Variants in FHIT observed in about 807,000 individuals in gnomAD.
FHIT encodes fragile histidine triad diadenosine triphosphatase, also known as bis(5'-adenosyl)-triphosphatase.
In FHIT, 19 loss-of-function variants were observed where a neutral mutation model predicts 17.9. The observed-to-expected ratio is 1.06, with a 90% CI of 0.74 to 1.56. The LOEUF is 1.56. FHIT is among the 40% of genes most tolerant of loss of function. FHIT has a pLI of 0.00. For missense variants in FHIT, 248 were observed against 189.2 expected, an observed-to-expected ratio of 1.31 and a Z score of -1.82; for synonymous variants, 81 against 69.7, an observed-to-expected ratio of 1.16 and a Z score of -0.81.
intron 3 of FHIT, among the ~76,000 whole-genome samples, chr3:60,900,938 C>T (rs1553763037): frequency 2.0e-5 from 3 of 152,078 alleles, no homozygotes; most frequent in Non-Finnish European, 4.4e-5. Flanking sequence ...CCACCACGCT[C>T]GGCTAATATT....
chr3:60,230,766 A>G (rs1360212219), intron 5 of FHIT, among the ~76,000 whole-genome samples: 1 of 152,214 alleles, frequency 6.6e-6, no homozygotes, highest in Non-Finnish European at 1.5e-5. Flanking sequence ...GATGGATTGC[A>G]GTGGCATGAT....
At chr3:60,864,664 G>A (rs1282927071) in intron 3 of FHIT, among the ~76,000 whole-genome samples, 1 of 152,082 alleles carries the variant, frequency 6.6e-6, no homozygotes, top group Non-Finnish European at 1.5e-5. Flanking sequence ...GAACCTCTCA[G>A]CAGTTTGAAT....
intron 5 of FHIT, among the ~76,000 whole-genome samples, chr3:60,440,855 A>C (rs536117257): frequency 6.6e-6 from 1 of 152,082 alleles, no homozygotes; most frequent in Non-Finnish European, 1.5e-5. Context: ...AACTCAACCA[A>C]AGTACAAATA....
At chr3:59,998,146 T>C (rs994531702) in intron 7 of FHIT, among the ~76,000 whole-genome samples, 3 of 152,144 alleles carry the variant, frequency 2.0e-5, no homozygotes, top group Non-Finnish European at 4.4e-5. Context: ...TTTCCTAAAG[T>C]GAGCTGAAAG....
At chr3:61,060,880 C>T (rs927801292) in intron 2 of FHIT, among the ~76,000 whole-genome samples, 6 of 152,190 alleles carry the variant, frequency 3.9e-5, no homozygotes, top group African/African-American at 1.4e-4. Flanking sequence ...TTCCTTAGCT[C>T]AATTAAGTCT....
intron 3 of FHIT, among the ~76,000 whole-genome samples, chr3:61,021,968 T>C (rs1363229832): frequency 6.6e-6 from 1 of 151,932 alleles, no homozygotes; most frequent in African/African-American, 2.4e-5. Context: ...ATTCAAAAGC[T>C]AGCAGAAGAC....
chr3:59,917,091 T>C (rs1388076178), intron 8 of FHIT, among the ~76,000 whole-genome samples: 1 of 152,206 alleles, frequency 6.6e-6, no homozygotes, highest in African/African-American at 2.4e-5. Context: ...TCATCAGCAA[T>C]ATAATGGTTC....
At chr3:59,869,864 T>C (rs1253007265) in intron 8 of FHIT, among the ~76,000 whole-genome samples, 2 of 152,108 alleles carry the variant, frequency 1.3e-5, no homozygotes, top group African/African-American at 2.4e-5. Context: ...AGGGAAATTT[T>C]ACTCTTAGTT....
At chr3:61,108,116 G>A (rs1296224536) in intron 2 of FHIT, among the ~76,000 whole-genome samples, 1 of 152,112 alleles carries the variant, frequency 6.6e-6, no homozygotes, top group Non-Finnish European at 1.5e-5. Flanking sequence ...CTGATAATTA[G>A]GGATATTAAG....
At chr3:60,769,884 T>C (rs1699983786) in intron 4 of FHIT, among the ~76,000 whole-genome samples, 1 of 152,236 alleles carries the variant, frequency 6.6e-6, no homozygotes, top group Non-Finnish European at 1.5e-5. Flanking sequence ...CCATATTTAG[T>C]TTGCTTTAGC....
At chr3:61,235,468 T>G (rs993366171) in intron 1 of FHIT, among the ~76,000 whole-genome samples, 13 of 152,184 alleles carry the variant, frequency 8.5e-5, no homozygotes, top group Non-Finnish European at 1.2e-4. Flanking sequence ...GCTTTCAATT[T>G]TTATGTGCAG....
intron 4 of FHIT, among the ~76,000 whole-genome samples, chr3:60,806,809 G>T (rs1359392334): frequency 6.6e-6 from 1 of 152,218 alleles, no homozygotes; most frequent in Non-Finnish European, 1.5e-5. Context: ...CATAGACTTT[G>T]CCAGGAGTGC....
chr3:59,959,523 G>A (rs1707565523), intron 7 of FHIT, among the ~76,000 whole-genome samples: 2 of 152,166 alleles, frequency 1.3e-5, no homozygotes, highest in African/African-American at 4.8e-5. Context: ...ACTATAGGAG[G>A]TAAGAGATCT....
intron 4 of FHIT, among the ~76,000 whole-genome samples, chr3:60,688,065 C>T (rs1344142786): frequency 6.6e-6 from 1 of 151,346 alleles, no homozygotes; most frequent in African/African-American, 2.4e-5. Context: ...AGGTATATTT[C>T]TTCTCAGTAC....
At chr3:60,178,960 A>T (rs749065778) in intron 5 of FHIT, among the ~76,000 whole-genome samples, 5 of 152,080 alleles carry the variant, frequency 3.3e-5, no homozygotes, top group Non-Finnish European at 5.9e-5. Flanking sequence ...TTACCATCTC[A>T]TATTCAGAGC....
chr3:60,947,527 A>G (rs1368309518), intron 3 of FHIT, among the ~76,000 whole-genome samples: 2 of 152,204 alleles, frequency 1.3e-5, no homozygotes, highest in African/African-American at 4.8e-5. Flanking sequence ...ATATAAAGAA[A>G]TTTGTTCTTT....
chr3:60,408,742 C>T (rs1389053212), intron 5 of FHIT, among the ~76,000 whole-genome samples: 1 of 152,050 alleles, frequency 6.6e-6, no homozygotes, highest in Non-Finnish European at 1.5e-5. Flanking sequence ...GGAGATACTA[C>T]AGAAATTAGA....
intron 7 of FHIT, among the ~76,000 whole-genome samples, chr3:59,964,418 A>G (rs1302823583): frequency 6.6e-6 from 1 of 152,190 alleles, no homozygotes; most frequent in Non-Finnish European, 1.5e-5. Context: ...ATTAGTTAAT[A>G]AAGTACATTG....
At chr3:60,929,027 T>G (rs1472934380) in intron 3 of FHIT, among the ~76,000 whole-genome samples, 6 of 152,154 alleles carry the variant, frequency 3.9e-5, no homozygotes, top group South Asian at 2.1e-4. Flanking sequence ...ATGATCAAGT[T>G]GGCTTCATTC....
Sources: allele counts gnomAD v4.1 joint callset (sites outside exome capture counted in the v4.1 genomes callset), GRCh38; gene constraint gnomAD v4.1.1; transcripts MANE v1.5; gene names NCBI Gene and HGNC (gene_info 2026-07-23, HGNC 2026-07-21).